The following TSPAN19 variants were observed in gnomAD, a reference collection of about 807,000 sequenced individuals.
TSPAN19 encodes the protein tetraspanin 19, also known as tetraspanin-19.
A neutral mutation model predicts 35.1 loss-of-function variants in TSPAN19; 44 were observed. The observed-to-expected ratio is 1.25, with a 90% CI of 0.98 to 1.61. The LOEUF (loss-of-function observed/expected upper bound fraction) is 1.61. Ranked by LOEUF, TSPAN19 falls within the 40% of genes most tolerant of loss-of-function variation. The probability of loss-of-function intolerance (pLI) is 0.00; values close to 1 mark genes in which losing one functional copy is unlikely to be tolerated. For missense variants in TSPAN19, 290 were observed against 280.0 expected, an observed-to-expected ratio of 1.04 and a Z score of -0.26; for synonymous variants, 79 against 92.0, an observed-to-expected ratio of 0.86 and a Z score of 0.81.
intron 1 of TSPAN19, among the ~76,000 whole-genome samples, chr12:85,030,872 C>G (rs1381630241): frequency 6.6e-6 from 1 of 152,014 alleles, no homozygotes; most frequent in Non-Finnish European, 1.5e-5. Context: ...TCTCTTCTCA[C>G]TGTTTTAATT....
intron 1 of TSPAN19, among the ~76,000 whole-genome samples, chr12:85,035,501 T>G (rs971865369): frequency 6.6e-6 from 1 of 152,154 alleles, no homozygotes. Context: ...TTAGTTCTTA[T>G]GTTGATGCAA....
intron 6 of TSPAN19, 88 bp from the exon 7 acceptor site, chr12:85,017,687 G>A (rs1282889463): frequency 3.1e-6 from 3 of 974,098 alleles, no homozygotes; most frequent in African/African-American, 1.7e-5. Context: ...TTTTTGTGAT[G>A]AAGATAACTC....
chr12:85,031,119 C>T (rs1035602749), intron 1 of TSPAN19, among the ~76,000 whole-genome samples: 6 of 152,098 alleles, frequency 3.9e-5, no homozygotes, highest in Non-Finnish European at 7.4e-5. Context: ...AAACCATCTT[C>T]CTCGTAAAAT....
chr12:85,028,579 C>A (rs984288665), intron 3 of TSPAN19, among the ~76,000 whole-genome samples: 39 of 152,042 alleles, frequency 2.6e-4, no homozygotes, highest in African/African-American at 9.4e-4. Context: ...AAATGCTCAA[C>A]AAATAATTGT....
rs144485379 is a variant in TSPAN19 at position 85,021,734 on chromosome 12, A to C, written c.339+1592T>G. Among the ~76,000 whole-genome samples the C allele has an allele frequency of 2.2e-3, 339 of 152,250 alleles. 7 individuals carry two copies. In the East Asian group the frequency reaches 0.051, roughly 23 times the overall value. On this transcript the variant is annotated intron_variant, in intron 5 of 8. Coordinates refer to ENST00000532498, the MANE Select transcript of TSPAN19 (RefSeq NM_001100917.2). ...TTAGAGGCTTTTAAGAACTTAATCCAGTTTGAATGCAGAAGACAAATTGAT... is the reference window on the plus strand; with the variant it reads ...TTAGAGGCTTTTAAGAACTTAATCCCGTTTGAATGCAGAAGACAAATTGAT...
intron 3 of TSPAN19, among the ~76,000 whole-genome samples, chr12:85,028,538 C>A (rs1262511818): frequency 6.6e-6 from 1 of 152,166 alleles, no homozygotes; most frequent in Non-Finnish European, 1.5e-5. Flanking sequence ...CTGTTGAATG[C>A]TTGGTGCTAT....
At chr12:85,016,347 A>T in intron 7 of TSPAN19, 1 of 157,636 alleles carries the variant, frequency 6.3e-6, no homozygotes, top group East Asian at 1.9e-4. Flanking sequence ...AATATATTAC[A>T]TGTCTTCCTA....
chr12:85,033,970 C>T (rs1877797810), intron 1 of TSPAN19, among the ~76,000 whole-genome samples: 3 of 151,982 alleles, frequency 2.0e-5, no homozygotes. Context: ...TAAGATTATA[C>T]AAGAGTCATG....
chr12:85,034,592 CA>C (rs1395028090), intron 1 of TSPAN19, among the ~76,000 whole-genome samples: 1 of 152,026 alleles, frequency 6.6e-6, no homozygotes, highest in African/African-American at 2.4e-5. Context: ...ATAGGCAAAC[CA>C]ACATACTCAA....
chr12:85,035,656 T>C (rs1479509074), intron 1 of TSPAN19, among the ~76,000 whole-genome samples: 1 of 142,870 alleles, frequency 7.0e-6, no homozygotes, highest in Non-Finnish European at 1.6e-5. Context: ...TTGCAAACTT[T>C]AAAAGAAAAT....
At chr12:85,014,661 G>A in intron 8 of TSPAN19, 106 bp from the exon 9 acceptor site, 1 of 786,200 alleles carries the variant, frequency 1.3e-6, no homozygotes, top group South Asian at 1.8e-5. Context: ...AAAGGGAAAA[G>A]GGATCAAAAC....
At chr12:85,028,048 T>TTATGAAGTGGTATTTTA in intron 3 of TSPAN19, 25 bp from the exon 4 acceptor site, 1 of 1,481,040 alleles carries the variant, frequency 6.8e-7, no homozygotes, top group South Asian at 1.3e-5. Context: ...AATTTACTTA[T>TTATGAAGTGGTATTTTA]TATGAAGTGG....
At chr12:85,024,930 T>C (rs1047820801) in intron 4 of TSPAN19, among the ~76,000 whole-genome samples, 1 of 152,130 alleles carries the variant, frequency 6.6e-6, no homozygotes, top group Non-Finnish European at 1.5e-5. Context: ...TTACACATAT[T>C]TTATACATCT....
chr12:85,027,917 G>A lies in TSPAN19; in HGVS notation c.246C>T (p.Ile82=), dbSNP rs943736739. 6.3e-7 allele frequency: 1 copy of A among 1,579,994 alleles called. No individual in the cohort carries two copies. Among genetic ancestry groups the A allele is most frequent in the Non-Finnish European group, 8.6e-7 (1 of 1,163,652 alleles). Reference sequence around the variant, plus strand: ...TACGTACCACAATTAGGAGCCATCTGATTTCGTTGTGAATTCCTATATAAC... The same window carrying A: ...TACGTACCACAATTAGGAGCCATCTAATTTCGTTGTGAATTCCTATATAAC... ...LLGYIGIHNE[I]RWLLIVYAVL... is the part of the protein sequence containing the mutation. Residue 82 remains isoleucine (I), a synonymous_variant, in exon 4 of 9, where the codon ATC becomes ATT. Transcript: ENST00000532498.
chr12:85,030,275 A>C (rs1237560922), intron 1 of TSPAN19, among the ~76,000 whole-genome samples: 3 of 152,116 alleles, frequency 2.0e-5, no homozygotes, highest in African/African-American at 7.2e-5. Context: ...AATTTCTTGC[A>C]GTTTCAAAAA....
intron 1 of TSPAN19, among the ~76,000 whole-genome samples, chr12:85,034,189 T>C (rs1592669908): frequency 6.6e-6 from 1 of 152,144 alleles, no homozygotes; most frequent in East Asian, 1.9e-4. Flanking sequence ...AAATTACTTT[T>C]ACTCAATAAT....
At position 85,029,716 on chromosome 12, in the gene TSPAN19, T is replaced by A; in HGVS notation, c.139+3A>T. ...TGAGAGAAAAACAAAAATAGATACA[T>A]ACCAAAAGCTGTTAAAAAATTATTT... On this transcript the variant is annotated splice_donor_region_variant and intron_variant, in intron 3 of 8. Transcript: ENST00000532498. 6.5e-7 allele frequency: 1 copy of A among 1,536,374 alleles called. No individual in the cohort carries two copies. The highest frequency in any genetic ancestry group is 1.7e-4 in the Middle Eastern group (1 of 5,934).
chr12:85,028,039 A>G lies in TSPAN19; in HGVS notation c.140-16T>C, dbSNP rs777177253. 8 of 1,505,148 alleles carry G rather than the reference A, an allele frequency of 5.3e-6. No homozygotes were observed. The highest frequency in any genetic ancestry group is 1.8e-6 in the Non-Finnish European group (2 of 1,110,784). The allele number at this position is 1,505,148 out of a possible 1,614,324, so 93.2% of individuals were successfully genotyped here. A position where few individuals can be genotyped will look rare whatever the true frequency, so the allele number is the denominator to read the frequency against. On this transcript the variant is annotated splice_polypyrimidine_tract_variant and intron_variant, in intron 3 of 8. Transcript: ENST00000532498. ...TTATTTTCATCTGTGAAAAGTACAA[A>G]TTTACTTATTATGAAGTGGTATTTT... is the stretch of plus-strand genomic sequence containing the variant.
chr12:85,018,980 A>T (rs1876969223), intron 6 of TSPAN19, among the ~76,000 whole-genome samples: 1 of 151,868 alleles, frequency 6.6e-6, no homozygotes. Flanking sequence ...TCTGTAAACC[A>T]TTTAGCCGAC....
Sources: allele counts gnomAD v4.1 joint callset (sites outside exome capture counted in the v4.1 genomes callset), GRCh38; gene constraint gnomAD v4.1.1; transcripts MANE v1.5; gene names NCBI Gene and HGNC (gene_info 2026-07-23, HGNC 2026-07-21).